The following TMEM150B variants were observed in gnomAD, a reference collection of about 807,000 sequenced individuals.
TMEM150B encodes the protein modulator of macroautophagy TMEM150B.
Under a neutral mutation model 25.2 loss-of-function variants are expected in TMEM150B, and 33 were observed. The observed-to-expected ratio is 1.31, with a 90% confidence interval of 0.99 to 1.75. The LOEUF (loss-of-function observed/expected upper bound fraction) is 1.75. Among genes scored for constraint, TMEM150B ranks in the 40% most tolerant of loss-of-function variants. The pLI is 0.00. For missense variants in TMEM150B, 322 were observed against 306.1 expected (o/e 1.05, Z -0.39); for synonymous variants, 133 against 134.8 (o/e 0.99, Z 0.09).
At chr19:55,312,017 C>T (rs777121131), downstream of TMEM150B, 4 of 1,512,324 alleles carry the variant, frequency 2.6e-6, no homozygotes, top group South Asian at 1.3e-5. Context: ...CCCGCCGAGG[C>T]CCCCCCAAGG....
chr19:55,319,653 T>C, intron 6 of TMEM150B: 1 of 728,372 alleles, frequency 1.4e-6, no homozygotes, highest in Non-Finnish European at 1.7e-6. Context: ...ACCATGTTGG[T>C]TGGCCAGGCT....
At chr19:55,315,598 A>G (rs1014082256) in intron 7 of TMEM150B, among the ~76,000 whole-genome samples, 1 of 151,920 alleles carries the variant, frequency 6.6e-6, no homozygotes, top group African/African-American at 2.4e-5. Flanking sequence ...TGTCCCTACT[A>G]AAAATACAAA....
At chr19:55,324,777 C>T (rs915087280) in intron 1 of TMEM150B, 30 of 985,496 alleles carry the variant, frequency 3.0e-5, no homozygotes, top group South Asian at 4.7e-5. Context: ...CTCTGGGTCT[C>T]GTCTTCCTCC....
intron 7 of TMEM150B, among the ~76,000 whole-genome samples, chr19:55,313,649 G>A (rs1486410395): frequency 6.6e-6 from 1 of 151,994 alleles, no homozygotes; most frequent in African/African-American, 2.4e-5. Flanking sequence ...TGGCCAGCTG[G>A]TCACCCCAAG....
chr19:55,318,214 A>G (rs572981709), intron 6 of TMEM150B, among the ~76,000 whole-genome samples: 2 of 151,980 alleles, frequency 1.3e-5, no homozygotes, highest in Non-Finnish European at 2.9e-5. Context: ...TGCAAAAAGT[A>G]GCCGGGCGTG....
rs2089153613 is a variant in TMEM150B at position 55,320,064 on chromosome 19, C to T, written c.299G>A (p.Gly100Asp). 6.2e-7 allele frequency: 1 copy of T among 1,614,102 alleles called. No individual in the cohort carries two copies. Among genetic ancestry groups the T allele is most frequent in the Non-Finnish European group, 8.5e-7 (1 of 1,180,000 alleles). ...ILWTGLLCAL[G>D]TSVVGNFQEK... Reference sequence around the variant, plus strand: ...CTGGAAATTGCCTACCACGGAGGTGCCCAGGGCACACAGAAGACCCGTCCA... The same window carrying T: ...CTGGAAATTGCCTACCACGGAGGTGTCCAGGGCACACAGAAGACCCGTCCA... Residue 100 changes from glycine (G) to aspartate (D), a missense_variant, in exon 6 of 8, where the codon GGC (glycine) becomes GAC (aspartate). Transcript: ENST00000326652.
At chr19:55,317,819 G>A (rs992760427) in intron 6 of TMEM150B, among the ~76,000 whole-genome samples, 18 of 151,482 alleles carry the variant, frequency 1.2e-4, no homozygotes, top group African/African-American at 4.4e-4. Context: ...CGGTCATGGT[G>A]GCTCAGGCCT....
chr19:55,321,942 C>T (rs1380431339), intron 2 of TMEM150B, among the ~76,000 whole-genome samples: 1 of 152,168 alleles, frequency 6.6e-6, no homozygotes, highest in Non-Finnish European at 1.5e-5. Context: ...CTTTTGCCTG[C>T]TGGAGTTCCC....
chr19:55,313,811 G>A (rs1191653790), intron 7 of TMEM150B, among the ~76,000 whole-genome samples: 1 of 39,234 alleles, frequency 2.5e-5, no homozygotes, highest in Admixed American at 2.3e-4. Context: ...CAGACTCCAG[G>A]CCTAGTAGAG....
At chr19:55,314,758 G>A (rs563090509) in intron 7 of TMEM150B, among the ~76,000 whole-genome samples, 75 of 152,288 alleles carry the variant, frequency 4.9e-4, no homozygotes, top group African/African-American at 1.8e-3. Context: ...GTCACTATAG[G>A]CCGGGCTGAG....
At chr19:55,311,229 T>A (rs574896488), downstream of TMEM150B, among the ~76,000 whole-genome samples, 1 of 152,278 alleles carries the variant, frequency 6.6e-6, no homozygotes, top group Non-Finnish European at 1.5e-5. Context: ...CCCAAAATGC[T>A]GGGATTACAG....
downstream of TMEM150B, chr19:55,312,798 T>C: frequency 6.7e-7 from 1 of 1,484,138 alleles, no homozygotes; most frequent in Non-Finnish European, 9.1e-7. Context: ...TGCGGGGCAC[T>C]GGGATTGGCC....
At chr19:55,315,896 C>G in intron 7 of TMEM150B, among the ~76,000 whole-genome samples, 1 of 152,180 alleles carries the variant, frequency 6.6e-6, no homozygotes, top group East Asian at 1.9e-4. Context: ...CGCCACTGCA[C>G]TCCAGCCTGG....
chr19:55,320,328 C>G (rs924833242), intron 5 of TMEM150B, 63 bp downstream of exon 5: 4 of 1,498,890 alleles, frequency 2.7e-6, no homozygotes, highest in Non-Finnish European at 3.6e-6. Flanking sequence ...GAGAAAGGAG[C>G]GGTTTCGGAA....
At chr19:55,321,467 G>A (rs2089206820) in intron 2 of TMEM150B, among the ~76,000 whole-genome samples, 1 of 152,080 alleles carries the variant, frequency 6.6e-6, no homozygotes, top group African/African-American at 2.4e-5. Context: ...GACAGGCCAA[G>A]GCAGAGGCAA....
Position 55,316,961 on chromosome 19 carries a change from CT to C in TMEM150B, c.329del (p.Lys110ArgfsTer31). ...GTSVVGNFQE[K>X]NQRPTHLAGA... is the part of the protein sequence containing the mutation. ...CTGCCAAGTGCGTAGGCCGCTGGTT[CT>C]TTTCCTGGGAGGAGAAGGGAGAAGT... is the stretch of plus-strand genomic sequence containing the variant. On this transcript the variant is annotated frameshift_variant, in exon 7 of 8. Coordinates refer to ENST00000326652, the MANE Select transcript of TMEM150B (RefSeq NM_001282011.2). LOFTEE classifies it high-confidence loss of function. The C allele has an allele frequency of 1.3e-6, 2 of 1,597,470 alleles. No homozygotes were observed. The highest frequency in any genetic ancestry group is 2.3e-5 in the East Asian group (1 of 43,832).
chr19:55,314,130 T>C lies in TMEM150B; in HGVS notation c.506-1075A>G, dbSNP rs375195384. On this transcript the variant is annotated intron_variant, in intron 7 of 7. Transcript: ENST00000326652. ...TCTGCCTCCCAGGTTCAAGCGATTCTTGTGCCTCAGCCTCCTGAGCAGCTG... is the reference window on the plus strand; with the variant it reads ...TCTGCCTCCCAGGTTCAAGCGATTCCTGTGCCTCAGCCTCCTGAGCAGCTG... Among the ~76,000 whole-genome samples, 11 of 152,316 alleles carry C rather than the reference T, an allele frequency of 7.2e-5. 1 individual carries two copies. The highest frequency in any genetic ancestry group is 2.6e-4 in the African/African-American group (11 of 41,572).
In TMEM150B at chr19:55,320,051, T is replaced by C. The variant is rs778998591; in HGVS notation, c.312A>G (p.Val104=). The C allele has an allele frequency of 2.5e-6, 4 of 1,614,034 alleles. No individual in the cohort carries two copies. The East Asian group carries it at 8.9e-5, about 36-fold the overall frequency. The change falls in exon 6 of 8, where the codon GTA becomes GTG. Residue 104 remains valine, a synonymous_variant. Transcript: ENST00000326652. ...GACTGGGTCTCACCTGGAAATTGCC[T>C]ACCACGGAGGTGCCCAGGGCACACA... ...GLLCALGTSV[V]GNFQEKNQRP... is the part of the protein sequence containing the mutation.
intron 1 of TMEM150B, among the ~76,000 whole-genome samples, chr19:55,325,068 C>T (rs994283243): frequency 2.6e-5 from 4 of 152,168 alleles, no homozygotes; most frequent in East Asian, 1.9e-4. Context: ...ATAATAAAGA[C>T]GAGAAAGCCC....
Sources: gnomAD v4.1 joint callset for allele counts (sites outside exome capture counted in the v4.1 genomes callset) on GRCh38, gnomAD v4.1.1 for gene constraint, MANE v1.5 for transcripts, NCBI Gene and HGNC (gene_info 2026-07-23, HGNC 2026-07-21) for gene names.